Variants in MFSD1 observed in about 807,000 individuals in gnomAD.
The protein encoded by MFSD1 is major facilitator superfamily domain containing 1.
A neutral mutation model predicts 67.1 loss-of-function variants in MFSD1; 59 were observed. That is an observed-to-expected ratio of 0.88 (90% CI 0.71 to 1.09). The LOEUF (loss-of-function observed/expected upper bound fraction) is 1.09, where lower values mean the gene tolerates loss of function less well. Among genes scored for constraint, MFSD1 ranks in the 50% least tolerant of loss-of-function variants. The pLI is 0.00. For synonymous variants in MFSD1, 213 were observed against 200.3 expected, an observed-to-expected ratio of 1.06 and a Z score of -0.54; for missense variants, 552 against 566.1, an observed-to-expected ratio of 0.97 and a Z score of 0.25.
At chr3:158,811,472 T>A (rs1295945521) in intron 6 of MFSD1, among the ~76,000 whole-genome samples, 1 of 152,170 alleles carries the variant, frequency 6.6e-6, no homozygotes, top group Non-Finnish European at 1.5e-5. Flanking sequence ...ATGGCAAAAC[T>A]TGGTAAGATC....
intron 7 of MFSD1, among the ~76,000 whole-genome samples, chr3:158,815,289 A>G (rs552608989): frequency 1.0e-3 from 159 of 151,916 alleles, no homozygotes; most frequent in African/African-American, 3.7e-3. Context: ...TGCTAGCTCT[A>G]ACTAGTTCTG....
At chr3:158,821,276 G>T (rs1318136605) in intron 9 of MFSD1, among the ~76,000 whole-genome samples, 1 of 152,140 alleles carries the variant, frequency 6.6e-6, no homozygotes, top group Non-Finnish European at 1.5e-5. Flanking sequence ...ATTTAGCAAA[G>T]AACCCATTCA....
At chr3:158,804,259 G>A in intron 1 of MFSD1, 60 bp from the exon 2 acceptor site, 1 of 1,275,630 alleles carries the variant, frequency 7.8e-7, no homozygotes. Flanking sequence ...AGTAGCAACT[G>A]CAACTTGAAA....
At chr3:158,807,149 A>C in intron 4 of MFSD1, 67 bp downstream of exon 4, 2 of 1,429,130 alleles carry the variant, frequency 1.4e-6, no homozygotes, top group East Asian at 4.6e-5. Context: ...AATTAATTCC[A>C]TTGGCAAAGC....
At chr3:158,816,464 G>A (rs1278704344) in intron 7 of MFSD1, among the ~76,000 whole-genome samples, 1 of 152,208 alleles carries the variant, frequency 6.6e-6, no homozygotes, top group Non-Finnish European at 1.5e-5. Context: ...TTTGAGAAGT[G>A]TCTGTTCATG....
intron 7 of MFSD1, among the ~76,000 whole-genome samples, chr3:158,817,038 G>A (rs1730397061): frequency 6.6e-6 from 1 of 152,284 alleles, no homozygotes; most frequent in African/African-American, 2.4e-5. Flanking sequence ...GTACCATGCT[G>A]TTTTGGTTAC....
At chr3:158,808,769 C>T (rs1217521655) in intron 5 of MFSD1, among the ~76,000 whole-genome samples, 1 of 151,902 alleles carries the variant, frequency 6.6e-6, no homozygotes, top group Non-Finnish European at 1.5e-5. Flanking sequence ...TGGTAAGATT[C>T]ATGGAAGGGT....
Position 158,802,281 on chromosome 3 carries a change from T to C in MFSD1, c.129T>C (p.Leu43=). The C allele has an allele frequency of 2.5e-6, 4 of 1,611,474 alleles. No homozygotes were observed. Among genetic ancestry groups the C allele is most frequent in the Non-Finnish European group, 3.4e-6 (4 of 1,178,580 alleles). The change falls in exon 1 of 16, where the codon CTT becomes CTC. Residue 43 remains leucine (L), a synonymous_variant. Coordinates refer to ENST00000415822, the MANE Select transcript of MFSD1 (RefSeq NM_022736.4). ...LCDPSRLAHR[L]LVLLLMCFLG... ...ACCCCAGTCGCCTGGCGCACCGGCTTTTGGTGCTGTTACTGATGTGCTTCC... is the reference window on the plus strand; with the variant it reads ...ACCCCAGTCGCCTGGCGCACCGGCTCTTGGTGCTGTTACTGATGTGCTTCC...
Position 158,808,738 on chromosome 3 carries a change from T to C in MFSD1, c.441-441T>C, listed in dbSNP as rs140459821. ...GTAGCAAGGACAGCTTGTCTTTGCC[T>C]CTAGTGTCTGGGGCCTCAGCTGGTA... On this transcript the variant is annotated intron_variant, in intron 5 of 15. Transcript: ENST00000415822. 1.8e-4 allele frequency among the ~76,000 whole-genome samples: 27 copies of C among 152,176 alleles called. No individual in the cohort carries two copies. In the East Asian group the frequency reaches 3.9e-3, roughly 22 times the overall value.
intron 5 of MFSD1, among the ~76,000 whole-genome samples, chr3:158,808,576 T>C (rs947153950): frequency 6.6e-6 from 1 of 152,194 alleles, no homozygotes; most frequent in Non-Finnish European, 1.5e-5. Flanking sequence ...TCGATGGTAA[T>C]GTAGTAACCA....
intron 9 of MFSD1, 101 bp downstream of exon 9, chr3:158,820,427 T>G: frequency 1.3e-6 from 1 of 743,656 alleles, no homozygotes; most frequent in Non-Finnish European, 2.3e-6. Context: ...CTTCTCTGGT[T>G]ATAGTTTATA....
Position 158,821,610 on chromosome 3 carries a change from G to T in MFSD1, c.877G>T (p.Glu293Ter). Reference sequence around the variant, plus strand: ...TTTTAATTTTAGAGTTTTCTTTACAGAGAAATTTGGATTTTCTTCCCAGGC... The same window carrying T: ...TTTTAATTTTAGAGTTTTCTTTACATAGAAATTTGGATTTTCTTCCCAGGC... ...FIGLGKVFFTEKFGFSSQAAS... is the reference protein window; with the variant it reads ...FIGLGKVFFT The change falls in exon 10 of 16, where the codon GAG (glutamate) becomes TAG (stop). Residue 293 changes from glutamate to a stop codon, truncating the protein, a stop_gained. Transcript: ENST00000415822. LOFTEE classifies it high-confidence loss of function. 6 of 1,608,538 alleles carry T rather than the reference G, an allele frequency of 3.7e-6. No homozygotes were observed. The highest frequency in any genetic ancestry group is 5.1e-6 in the Non-Finnish European group (6 of 1,176,690).
chr3:158,812,098 G>A (rs547684214), intron 6 of MFSD1, among the ~76,000 whole-genome samples: 1 of 152,256 alleles, frequency 6.6e-6, no homozygotes, highest in South Asian at 2.1e-4. Context: ...CTCCAGTCCC[G>A]AGCTAAGACA....
At chr3:158,820,541 T>C (rs1404573380) in intron 9 of MFSD1, among the ~76,000 whole-genome samples, 3 of 152,220 alleles carry the variant, frequency 2.0e-5, no homozygotes, top group African/African-American at 7.2e-5. Flanking sequence ...AATACCTGTA[T>C]TACTCCACTC....
At chr3:158,813,871 C>A in intron 6 of MFSD1, 94 bp from the exon 7 acceptor site, 1 of 672,842 alleles carries the variant, frequency 1.5e-6, no homozygotes, top group Admixed American at 3.5e-5. Context: ...CAATTTGGAT[C>A]CTACTTCTGA....
At position 158,802,402 on chromosome 3, in the gene MFSD1, C is replaced by A. The variant is rs562165907; in HGVS notation, c.163+87C>A. On this transcript the variant is annotated intron_variant, in intron 1 of 15. Transcript: ENST00000415822. ...AGATCGTCATCGTGGTCACTGGTGCCACGGGGCCTCAGCGCAGCTTCTGTC... is the reference window on the plus strand; with the variant it reads ...AGATCGTCATCGTGGTCACTGGTGCAACGGGGCCTCAGCGCAGCTTCTGTC... The A allele has an allele frequency of 5.5e-6, 8 of 1,462,436 alleles. No homozygotes were observed. In the South Asian group the frequency reaches 5.8e-5, roughly 11 times the overall value. The allele number at this position is 1,462,436 out of a possible 1,614,324, so 90.6% of individuals were successfully genotyped here.
At chr3:158,814,916 T>C (rs764662420) in intron 7 of MFSD1, among the ~76,000 whole-genome samples, 14 of 152,030 alleles carry the variant, frequency 9.2e-5, no homozygotes, top group Non-Finnish European at 2.1e-4. Context: ...AACCCGTCTC[T>C]ACTAAAAATA....
Position 158,804,352 on chromosome 3 carries a change from T to G in MFSD1, c.197T>G (p.Leu66Arg). ...TTTTGCTATGATAATCCTGCTGCCC[T>G]TCAGACTCAAGTTAAACGAGTAAGT... is the stretch of plus-strand genomic sequence containing the variant. Reference protein sequence around the residue: ...SYFCYDNPAALQTQVKRDMQV... With the variant: ...SYFCYDNPAARQTQVKRDMQV... The change falls in exon 2 of 16, where the codon CTT becomes CGT. Residue 66 changes from leucine to arginine, a missense_variant. Transcript: ENST00000415822. 1 of 1,611,360 alleles carries G rather than the reference T, an allele frequency of 6.2e-7. No homozygotes were observed. Among genetic ancestry groups the G allele is most frequent in the South Asian group, 1.1e-5 (1 of 90,754 alleles).
intron 8 of MFSD1, 74 bp downstream of exon 8, chr3:158,819,821 C>T: frequency 1.3e-6 from 1 of 782,992 alleles, no homozygotes; most frequent in Non-Finnish European, 2.1e-6. Context: ...ATCTAAGTTC[C>T]TAATGAAGTG....
Sources: gnomAD v4.1 joint callset for allele counts (sites outside exome capture counted in the v4.1 genomes callset) on GRCh38, gnomAD v4.1.1 for gene constraint, MANE v1.5 for transcripts, NCBI Gene and HGNC (gene_info 2026-07-23, HGNC 2026-07-21) for gene names.